The following UBE2E1 variants were observed in gnomAD, a reference collection of about 807,000 sequenced individuals.
The protein encoded by UBE2E1 is ubiquitin conjugating enzyme E2 E1.
In UBE2E1, 6 loss-of-function variants were observed where a neutral mutation model predicts 21.4. That is an observed-to-expected ratio of 0.28 (90% CI 0.15 to 0.55). The LOEUF is 0.55. UBE2E1 is among the 20% of genes least tolerant of loss of function. The probability of loss-of-function intolerance (pLI) is 0.93; values close to 1 mark genes in which losing one functional copy is unlikely to be tolerated. For missense variants in UBE2E1, 142 were observed against 236.5 expected (o/e 0.60, Z 2.62); for synonymous variants, 87 against 82.7 (o/e 1.05, Z -0.28).
At chr3:23,830,986 C>T (rs1424701831) in intron 3 of UBE2E1, among the ~76,000 whole-genome samples, 2 of 152,152 alleles carry the variant, frequency 1.3e-5, no homozygotes, top group Admixed American at 1.3e-4. Context: ...TTATGTGCAG[C>T]TTAGTAAGTG....
rs145682143 is a variant in UBE2E1 at position 23,850,527 on chromosome 3, A to ATT, written c.204-37032_204-37031dup. ...TCTACTCCTCTTTATTATTATTATTATTTTTTTTTGAGATAGGGTCTTGTT... is the reference window on the plus strand; with the variant it reads ...TCTACTCCTCTTTATTATTATTATTATTTTTTTTTTTGAGATAGGGTCTTGTT... On this transcript the variant is annotated intron_variant, in intron 3 of 5. Transcript: ENST00000306627. Among the ~76,000 whole-genome samples the ATT allele has an allele frequency of 1.1e-3, 170 of 149,142 alleles. 2 individuals are homozygous for ATT. The highest frequency in any genetic ancestry group is 3.6e-3 in the African/African-American group (145 of 40,474).
At chr3:23,833,475 G>T (rs899685313) in intron 3 of UBE2E1, among the ~76,000 whole-genome samples, 5 of 152,170 alleles carry the variant, frequency 3.3e-5, no homozygotes, top group East Asian at 3.8e-4. Flanking sequence ...ATAGAGTCAG[G>T]TTGGAAGATA....
chr3:23,882,033 C>T (rs1015756819), intron 3 of UBE2E1, among the ~76,000 whole-genome samples: 2 of 152,186 alleles, frequency 1.3e-5, no homozygotes, highest in Non-Finnish European at 2.9e-5. Flanking sequence ...GTGAGTGTTA[C>T]AGCTCACAAA....
At chr3:23,868,703 G>A (rs1170405399) in intron 3 of UBE2E1, among the ~76,000 whole-genome samples, 1 of 151,692 alleles carries the variant, frequency 6.6e-6, no homozygotes, top group Non-Finnish European at 1.5e-5. Context: ...TAGAAATTGG[G>A]AAGTAAACAC....
chr3:23,856,776 A>G (rs1369056044), intron 3 of UBE2E1, among the ~76,000 whole-genome samples: 1 of 152,096 alleles, frequency 6.6e-6, no homozygotes, highest in Non-Finnish European at 1.5e-5. Flanking sequence ...GAATCAGAAA[A>G]TTAATGTCAT....
chr3:23,870,789 A>G lies in UBE2E1; in HGVS notation c.204-16778A>G, dbSNP rs1030658713. 3.3e-5 allele frequency among the ~76,000 whole-genome samples: 5 copies of G among 151,482 alleles called. No individual in the cohort carries two copies. The highest frequency in any genetic ancestry group is 7.3e-5 in the African/African-American group (3 of 41,256). Reference sequence around the variant, plus strand: ...AGGTCAGCAGATAAACAAGTGAACAAAGGTCTCTGGTTTTCCTAGGCAGAG... The same window carrying G: ...AGGTCAGCAGATAAACAAGTGAACAGAGGTCTCTGGTTTTCCTAGGCAGAG... On this transcript the variant is annotated intron_variant, in intron 3 of 5. Coordinates refer to ENST00000306627, the MANE Select transcript of UBE2E1 (RefSeq NM_003341.5). This position sits in a 1 kb window ranked among gnomAD's most constrained non-coding sequence, Gnocchi z 4.2.
Position 23,808,919 on chromosome 3 carries a change from G to A in UBE2E1, c.152+1498G>A, listed in dbSNP as rs1435422526. The A allele has an allele frequency of 1.3e-5, 2 of 152,144 alleles. No individual in the cohort carries two copies. The highest frequency in any genetic ancestry group is 2.9e-5 in the Non-Finnish European group (2 of 68,028). 9.4% of individuals were successfully genotyped at this position (152,144 alleles called of 1,614,324 possible). On this transcript the variant is annotated intron_variant, in intron 2 of 5. Coordinates refer to ENST00000306627, the MANE Select transcript of UBE2E1 (RefSeq NM_003341.5). The surrounding 1 kb of genome is among the most constrained non-coding windows in gnomAD (Gnocchi z 4.9). ...TTGGTAATTTGCATTTTTATATTTTGCTAGATATCCCTGGTGTACATGAAT... is the reference window on the plus strand; with the variant it reads ...TTGGTAATTTGCATTTTTATATTTTACTAGATATCCCTGGTGTACATGAAT...
chr3:23,819,136 T>G (rs1293400001), intron 3 of UBE2E1, among the ~76,000 whole-genome samples: 1 of 151,712 alleles, frequency 6.6e-6, no homozygotes, highest in Non-Finnish European at 1.5e-5. Flanking sequence ...TCCAAAAAAT[T>G]AGCCAGGCGT....
chr3:23,872,785 A>G (rs936055002), intron 3 of UBE2E1, among the ~76,000 whole-genome samples: 2 of 152,174 alleles, frequency 1.3e-5, no homozygotes, highest in Non-Finnish European at 2.9e-5. Context: ...TTGGGAGGCC[A>G]AGGCAGGTGG....
rs1201454744 is a variant in UBE2E1, at chr3:23,887,445, G to A, written c.204-122G>A. ...CTGCATCCGTTTCTGTACTTGTTTT[G>A]TAAAGAGAATCCACACAGTAAACAA... On this transcript the variant is annotated intron_variant, in intron 3 of 5. Transcript: ENST00000306627. This position sits in a 1 kb window ranked among gnomAD's most constrained non-coding sequence, Gnocchi z 4.4. 4 of 1,335,016 alleles carry A rather than the reference G, an allele frequency of 3.0e-6. No individual in the cohort carries two copies. The highest frequency in any genetic ancestry group is 2.0e-4 in the Middle Eastern group (1 of 4,904). 82.7% of individuals were successfully genotyped at this position (1,335,016 alleles called of 1,614,324 possible).
chr3:23,836,035 C>G lies in UBE2E1; in HGVS notation c.203+24525C>G, dbSNP rs575292475. 7.2e-5 allele frequency among the ~76,000 whole-genome samples: 11 copies of G among 152,178 alleles called. No homozygotes were observed. The South Asian group carries it at 2.3e-3, about 32-fold the overall frequency. ...TATGGCACAGATAAGATATATATTT[C>G]AGAAAAAATGTTTTGAGCTTTTGCT... On this transcript the variant is annotated intron_variant, in intron 3 of 5. Coordinates refer to ENST00000306627, the MANE Select transcript of UBE2E1 (RefSeq NM_003341.5). This position sits in a 1 kb window ranked among gnomAD's most constrained non-coding sequence, Gnocchi z 4.1.
intron 3 of UBE2E1, among the ~76,000 whole-genome samples, chr3:23,856,411 C>T (rs944776619): frequency 8.5e-5 from 13 of 152,156 alleles, no homozygotes; most frequent in Non-Finnish European, 1.6e-4. Context: ...GGAAGACAGA[C>T]GTTTAAAACA....
Position 23,847,857 on chromosome 3 carries a change from A to T in UBE2E1, c.203+36347A>T, listed in dbSNP as rs114718925. On this transcript the variant is annotated intron_variant, in intron 3 of 5. Transcript: ENST00000306627. The stretch of plus-strand genomic sequence containing the variant: ...AACTCAAAACAGTAGAAAGGGATAT[A>T]TAGAAAAAGTAAGTTTTCCCATTTC... 6.8e-3 allele frequency among the ~76,000 whole-genome samples: 1,040 copies of T among 152,278 alleles called. 14 individuals are homozygous for T. The highest frequency in any genetic ancestry group is 0.024 in the African/African-American group (989 of 41,552).
At chr3:23,835,504 C>A (rs577587588) in intron 3 of UBE2E1, among the ~76,000 whole-genome samples, 1 of 152,014 alleles carries the variant, frequency 6.6e-6, no homozygotes, top group Non-Finnish European at 1.5e-5. Context: ...ACACCAGGGC[C>A]CCATCCTATT....
In UBE2E1 at chr3:23,845,450, G is replaced by A. The variant is rs75438374; in HGVS notation, c.203+33940G>A. Among the ~76,000 whole-genome samples, 1,037 of 152,148 alleles carry A rather than the reference G, an allele frequency of 6.8e-3. 13 individuals are homozygous for A. Among genetic ancestry groups the A allele is most frequent in the African/African-American group, 0.024 (986 of 41,484 alleles). ...AATTCCCTTTTTCTAAGCATATGTA[G>A]GAGTAGAGTGTAGATCAGTGTTTTC... On this transcript the variant is annotated intron_variant, in intron 3 of 5. Coordinates refer to ENST00000306627, the MANE Select transcript of UBE2E1 (RefSeq NM_003341.5).
chr3:23,862,058 C>T (rs1039164718), intron 3 of UBE2E1, among the ~76,000 whole-genome samples: 3 of 152,216 alleles, frequency 2.0e-5, no homozygotes, highest in Non-Finnish European at 2.9e-5. Flanking sequence ...TAGACACTGC[C>T]GTGGGGTCGG....
At chr3:23,871,632 C>T (rs1214483161) in intron 3 of UBE2E1, among the ~76,000 whole-genome samples, 6 of 150,706 alleles carry the variant, frequency 4.0e-5, no homozygotes, top group African/African-American at 7.4e-5. Flanking sequence ...GGTTGCCAGG[C>T]GGAGGGTCTC....
At chr3:23,835,304 C>T (rs1699953705) in intron 3 of UBE2E1, among the ~76,000 whole-genome samples, 1 of 151,920 alleles carries the variant, frequency 6.6e-6, no homozygotes, top group Non-Finnish European at 1.5e-5. Context: ...ATCCTGTCTA[C>T]AAAAAATTTA....
intron 3 of UBE2E1, among the ~76,000 whole-genome samples, chr3:23,824,152 C>G (rs1699703266): frequency 6.6e-6 from 1 of 152,142 alleles, no homozygotes; most frequent in Non-Finnish European, 1.5e-5. Flanking sequence ...TTTACATTTA[C>G]CTGTATTGGG....
Sources: allele counts gnomAD v4.1 joint callset (sites outside exome capture counted in the v4.1 genomes callset), GRCh38; gene constraint gnomAD v4.1.1; non-coding constraint Gnocchi (gnomAD v3.1); transcripts MANE v1.5; gene names NCBI Gene and HGNC (gene_info 2026-07-23, HGNC 2026-07-21).